The following MMP14 variants were observed in gnomAD, a reference collection of about 807,000 sequenced individuals.
MMP14 encodes the protein matrix metalloproteinase-14.
Under a neutral mutation model 64.8 loss-of-function variants are expected in MMP14, and 13 were observed. The ratio of observed to expected loss-of-function variants is 0.20; its 90% confidence interval spans 0.13 to 0.32. The LOEUF (loss-of-function observed/expected upper bound fraction) is 0.32, where lower values mean the gene tolerates loss of function less well. Among genes scored for constraint, MMP14 ranks in the 10% least tolerant of loss-of-function variants. MMP14 has a pLI of 1.00. For synonymous variants in MMP14, 322 were observed against 315.9 expected (o/e 1.02, Z -0.20); for missense variants, 594 against 783.8 (o/e 0.76, Z 2.89).
Position 22,843,206 on chromosome 14 carries a change from G to T in MMP14, c.689-51G>T. The T allele has an allele frequency of 6.4e-7, 1 of 1,567,314 alleles. No individual in the cohort carries two copies. The highest frequency in any genetic ancestry group is 8.7e-7 in the Non-Finnish European group (1 of 1,150,564). ...AAAGCTGCTGGTGGGGAAGCAGGGAGGCTGAGGGAAGGGACTCAGGCTGCT... is the reference window on the plus strand; with the variant it reads ...AAAGCTGCTGGTGGGGAAGCAGGGATGCTGAGGGAAGGGACTCAGGCTGCT... On this transcript the variant is annotated intron_variant, in intron 4 of 9. Coordinates refer to ENST00000311852, the MANE Select transcript of MMP14 (RefSeq NM_004995.4). This position sits in a 1 kb window ranked among gnomAD's most constrained non-coding sequence, Gnocchi z 4.8.
In MMP14 at chr14:22,844,785, G is replaced by A; in HGVS notation, c.1301+5G>A. 1.2e-6 allele frequency: 2 copies of A among 1,614,070 alleles called. No homozygotes were observed. Among genetic ancestry groups the A allele is most frequent in the Non-Finnish European group, 1.7e-6 (2 of 1,180,004 alleles). On this transcript the variant is annotated splice_donor_5th_base_variant and intron_variant, in intron 8 of 9. Coordinates refer to ENST00000311852, the MANE Select transcript of MMP14 (RefSeq NM_004995.4). The stretch of plus-strand genomic sequence containing the variant: ...CTACTTCTTCCGTGGAAACAAGTAA[G>A]ACCTCAACCCCTTAACCCCAGGCCT...
chr14:22,845,832 G>C lies in MMP14; in HGVS notation c.1542G>C (p.Pro514=). Residue 514 remains proline, a synonymous_variant, in exon 10 of 10, where the codon CCG becomes CCC. Coordinates refer to ENST00000311852, the MANE Select transcript of MMP14 (RefSeq NM_004995.4). ...TGGGCTGCCCATCGGGAGGCCGGCCGGATGAGGGGACTGAGGAGGAGACGG... is the reference window on the plus strand; with the variant it reads ...TGGGCTGCCCATCGGGAGGCCGGCCCGATGAGGGGACTGAGGAGGAGACGG... ...DWMGCPSGGR[P]DEGTEEETEV... is the part of the protein sequence containing the mutation. 6.2e-7 allele frequency: 1 copy of C among 1,614,194 alleles called. No individual in the cohort carries two copies. Among genetic ancestry groups the C allele is most frequent in the Non-Finnish European group, 8.5e-7 (1 of 1,180,040 alleles).
At chr14:22,840,255 C>T (rs914061832) in intron 1 of MMP14, among the ~76,000 whole-genome samples, 8 of 152,192 alleles carry the variant, frequency 5.3e-5, no homozygotes, top group Admixed American at 5.2e-4. Flanking sequence ...GCGTCAGCCA[C>T]CACGCCCAGC....
rs368081817 is a variant in MMP14 at position 22,844,671 on chromosome 14, G to A, written c.1192G>A (p.Gly398Ser). 132 of 1,613,950 alleles carry A rather than the reference G, an allele frequency of 8.2e-5. No homozygotes were observed. Among genetic ancestry groups the A allele is most frequent in the Non-Finnish European group, 1.1e-4 (127 of 1,180,018 alleles). The change falls in exon 8 of 10, where the codon GGC (glycine) becomes AGC (serine). Residue 398 changes from glycine (G) to serine (S), a missense_variant. This residue lies in a region of MMP14 where 364 missense variants were observed against 425.2 expected (regional missense o/e 0.86). Transcript: ENST00000311852. The part of the protein sequence containing the change: ...WVFDEASLEP[G>S]YPKHIKELGR... ...GTTTGATGAGGCGTCCCTGGAACCT[G>A]GCTACCCCAAGCACATTAAGGAGCT...
intron 1 of MMP14, among the ~76,000 whole-genome samples, chr14:22,840,258 C>T (rs1041114306): frequency 2.0e-5 from 3 of 152,160 alleles, no homozygotes; most frequent in South Asian, 2.1e-4. Flanking sequence ...TCAGCCACCA[C>T]GCCCAGCCTG....
At position 22,841,505 on chromosome 14, in the gene MMP14, A is replaced by G. The variant is rs1276712940; in HGVS notation, c.123A>G (p.Gln41=). The change falls in exon 2 of 10, where the codon CAA becomes CAG. Residue 41 remains glutamine (Q), a synonymous_variant. Transcript: ENST00000311852. The part of the protein sequence containing the change: ...SSFSPEAWLQ[Q]YGYLPPGDLR... ...TTTCCCTACAGGCCTGGCTACAGCA[A>G]TATGGCTACCTGCCTCCCGGGGACC... 1.2e-6 allele frequency: 2 copies of G among 1,613,868 alleles called. No homozygotes were observed. Among genetic ancestry groups the G allele is most frequent in the Non-Finnish European group, 8.5e-7 (1 of 1,179,998 alleles).
intron 1 of MMP14, among the ~76,000 whole-genome samples, chr14:22,840,417 C>T (rs2039764914): frequency 6.6e-6 from 1 of 152,204 alleles, no homozygotes; most frequent in Non-Finnish European, 1.5e-5. Context: ...ATATGCCAGC[C>T]TTTATATTAT....
intron 6 of MMP14, 135 bp from the exon 7 acceptor site, chr14:22,844,236 G>A: frequency 7.7e-7 from 1 of 1,303,210 alleles, no homozygotes; most frequent in Non-Finnish European, 1.1e-6. Flanking sequence ...TGGTAGGGCG[G>A]CTGGGTGGAA....
Position 22,842,105 on chromosome 14 carries a change from G to A in MMP14, c.380+70G>A. On this transcript the variant is annotated intron_variant, in intron 3 of 9. Transcript: ENST00000311852. The surrounding 1 kb of genome is among the most constrained non-coding windows in gnomAD (Gnocchi z 5.3). ...TTCCTACCCATTGTGCTTATGCAGG[G>A]ACTCAGAGACCCCCTGCCCCACTCC... The A allele has an allele frequency of 6.3e-7, 1 of 1,589,512 alleles. No homozygotes were observed. Among genetic ancestry groups the A allele is most frequent in the Non-Finnish European group, 8.6e-7 (1 of 1,162,492 alleles).
rs1324321078 is a variant in MMP14, at chr14:22,845,874, G to A, written c.1584G>A (p.Glu528=). 1.9e-6 allele frequency: 3 copies of A among 1,614,072 alleles called. No individual in the cohort carries two copies. The highest frequency in any genetic ancestry group is 1.6e-4 in the Middle Eastern group (1 of 6,062). Residue 528 remains glutamate, a synonymous_variant, in exon 10 of 10, where the codon GAG becomes GAA. Transcript: ENST00000311852. ...AGGAGACGGAGGTGATCATCATTGA[G>A]GTGGACGAGGAGGGCGGCGGGGCGG... is the stretch of plus-strand genomic sequence containing the variant. ...TEEETEVIII[E]VDEEGGGAVS...
chr14:22,837,174 T>G lies in MMP14; in HGVS notation c.108+249T>G, dbSNP rs10138220. The G allele has an allele frequency of 5.2e-3, 3,373 of 649,380 alleles. 85 individuals are homozygous for G. The African/African-American group carries it at 0.053, about 10-fold the overall frequency. 40.2% of individuals were successfully genotyped at this position (649,380 alleles called of 1,614,324 possible). A position where few individuals can be genotyped will look rare whatever the true frequency, so the allele number is the denominator to read the frequency against. ...GACTCTCCTTCCCATTCCTTCTTTT[T>G]TCCCAGTCCTTGGAAGAACTTTACA... On this transcript the variant is annotated intron_variant, in intron 1 of 9. Transcript: ENST00000311852.
intron 8 of MMP14, 109 bp from the exon 9 acceptor site, chr14:22,845,142 C>G (rs1160912129): frequency 1.3e-6 from 1 of 790,324 alleles, no homozygotes; most frequent in Non-Finnish European, 2.1e-6. Flanking sequence ...ACCCCTGTCC[C>G]CACCCTGTCC....
chr14:22,838,671 T>G (rs1364128404), intron 1 of MMP14, among the ~76,000 whole-genome samples: 2 of 152,024 alleles, frequency 1.3e-5, no homozygotes, highest in Non-Finnish European at 2.9e-5. Context: ...GGTGCAGGCC[T>G]CATGCAGCTG....
At chr14:22,837,463 G>A (rs2039742856) in intron 1 of MMP14, 1 of 452,296 alleles carries the variant, frequency 2.2e-6, no homozygotes, top group African/African-American at 2.0e-5. Context: ...GGACGGCCGA[G>A]CGTCCAGGGC....
chr14:22,845,077 C>T (rs956534986), intron 8 of MMP14, among the ~76,000 whole-genome samples, 174 bp from the exon 9 acceptor site: 4 of 152,158 alleles, frequency 2.6e-5, no homozygotes, highest in Non-Finnish European at 4.4e-5. Flanking sequence ...AGCCTGGGCC[C>T]TCCCTTCCAC....
At chr14:22,845,121 C>T (rs1445369167) in intron 8 of MMP14, 130 bp from the exon 9 acceptor site, 8 of 689,632 alleles carry the variant, frequency 1.2e-5, no homozygotes, top group African/African-American at 8.9e-5. Flanking sequence ...AGCAGGTCCT[C>T]ATTACTCAAA....
At position 22,842,208 on chromosome 14, in the gene MMP14, G is replaced by T; in HGVS notation, c.380+173G>T. 9.9e-7 allele frequency: 1 copy of T among 1,014,022 alleles called. No homozygotes were observed. The highest frequency in any genetic ancestry group is 1.4e-6 in the Non-Finnish European group (1 of 696,856). 62.8% of individuals were successfully genotyped at this position (1,014,022 alleles called of 1,614,324 possible). A position where few individuals can be genotyped will look rare whatever the true frequency, so the allele number is the denominator to read the frequency against. ...CTTGAGAGAGGTGTAGCCATCAAGG[G>T]TGCACCCCAGTGCCAGAGAGCCAGA... On this transcript the variant is annotated intron_variant, in intron 3 of 9. Coordinates refer to ENST00000311852, the MANE Select transcript of MMP14 (RefSeq NM_004995.4). The surrounding 1 kb of genome is among the most constrained non-coding windows in gnomAD (Gnocchi z 5.3).
chr14:22,843,514 C>A lies in MMP14; in HGVS notation c.850+96C>A. On this transcript the variant is annotated intron_variant, in intron 5 of 9. Transcript: ENST00000311852. The surrounding 1 kb of genome is among the most constrained non-coding windows in gnomAD (Gnocchi z 4.8). ...CTTTTATGCCTTGCAGTCTCCGCAC[C>A]GCCCCCTGCCAACCTGCCCCTGCCT... 1 of 1,468,572 alleles carries A rather than the reference C, an allele frequency of 6.8e-7. No individual in the cohort carries two copies. Among genetic ancestry groups the A allele is most frequent in the Admixed American group, 1.9e-5 (1 of 51,632 alleles). The allele number at this position is 1,468,572 out of a possible 1,614,324, so 91.0% of individuals were successfully genotyped here.
At chr14:22,844,592 T>A in intron 7 of MMP14, 38 bp from the exon 8 acceptor site, 2 of 1,613,766 alleles carry the variant, frequency 1.2e-6, no homozygotes, top group Non-Finnish European at 1.7e-6. Context: ...CCCTAGAGCC[T>A]AAGTTGAACC....
Sources: gnomAD v4.1 joint callset for allele counts (sites outside exome capture counted in the v4.1 genomes callset) on GRCh38, gnomAD v4.1.1 for gene constraint, gnomAD v4.1.1 regional missense constraint, Gnocchi (gnomAD v3.1) non-coding constraint, MANE v1.5 for transcripts, NCBI Gene and HGNC (gene_info 2026-07-23, HGNC 2026-07-21) for gene names.